CLSTN2: variants seen among roughly 807,000 people sequenced by gnomAD.
CLSTN2 encodes the protein calsyntenin 2.
In CLSTN2, 48 loss-of-function variants were observed where a neutral mutation model predicts 101.2. The observed-to-expected ratio is 0.47, with a 90% CI of 0.38 to 0.60. The LOEUF is 0.60. CLSTN2 is among the 20% of genes least tolerant of loss of function. The pLI is 0.00. For missense variants in CLSTN2, 1,160 were observed against 1,238.2 expected, an observed-to-expected ratio of 0.94 and a Z score of 0.95; for synonymous variants, 481 against 463.6, an observed-to-expected ratio of 1.04 and a Z score of -0.48.
chr3:140,314,599 C>G (rs2087210733), intron 2 of CLSTN2, among the ~76,000 whole-genome samples: 2 of 152,056 alleles, frequency 1.3e-5, no homozygotes, highest in South Asian at 4.1e-4. Flanking sequence ...TTAAATAAGC[C>G]ACTTTTAAAA....
intron 4 of CLSTN2, among the ~76,000 whole-genome samples, chr3:140,415,506 A>AAAAAAAAAT (rs2088421678): frequency 6.6e-6 from 1 of 151,074 alleles, no homozygotes; most frequent in Non-Finnish European, 1.5e-5. Flanking sequence ...AAAAAAAAAA[A>AAAAAAAAAT]AAAACAAACT....
At chr3:139,945,608 A>G (rs1242855573) in intron 1 of CLSTN2, among the ~76,000 whole-genome samples, 1 of 152,228 alleles carries the variant, frequency 6.6e-6, no homozygotes, top group African/African-American at 2.4e-5. Context: ...TACACAAAAA[A>G]TGCAGCAGTT....
intron 1 of CLSTN2, among the ~76,000 whole-genome samples, chr3:140,083,155 A>C (rs1386849457): frequency 1.3e-5 from 2 of 151,934 alleles, no homozygotes; most frequent in Non-Finnish European, 2.9e-5. Flanking sequence ...TATAGCATTT[A>C]TTACGTTTTT....
intron 2 of CLSTN2, among the ~76,000 whole-genome samples, chr3:140,386,792 T>C (rs72981068): frequency 0.026 from 3,936 of 152,268 alleles, 153 homozygotes; most frequent in African/African-American, 0.088. Flanking sequence ...CCAAGGCCTG[T>C]GCACAGTGTC....
At chr3:140,152,696 G>A (rs1032170477) in intron 1 of CLSTN2, among the ~76,000 whole-genome samples, 7 of 152,148 alleles carry the variant, frequency 4.6e-5, no homozygotes, top group Admixed American at 1.3e-4. Context: ...GTGATTTCCA[G>A]TGGGAATAAA....
intron 2 of CLSTN2, among the ~76,000 whole-genome samples, chr3:140,189,848 G>A (rs2010534839): frequency 6.6e-6 from 1 of 152,064 alleles, no homozygotes; most frequent in Non-Finnish European, 1.5e-5. Flanking sequence ...TCAAAAATCA[G>A]CAGGGCATCG....
intron 1 of CLSTN2, among the ~76,000 whole-genome samples, chr3:140,057,456 T>C (rs1390980451): frequency 6.6e-6 from 1 of 152,194 alleles, no homozygotes; most frequent in African/African-American, 2.4e-5. Flanking sequence ...ACGTTCTTCA[T>C]TCTTAGATCC....
intron 2 of CLSTN2, among the ~76,000 whole-genome samples, chr3:140,241,874 T>TACACACACACACAC (rs1402235729): frequency 5.7e-4 from 34 of 60,032 alleles, no homozygotes; most frequent in African/African-American, 1.6e-3. Flanking sequence ...TATACACATA[T>TACACACACACACAC]ATATATACAC....
rs531735969 is a variant in CLSTN2, at chr3:140,336,056, T to C, written c.233-67573T>C. ...GGGGCTTTGGAATCACTTGAAAAAC[T>C]AGGATGAAGGAGCCGATTACTGCTC... is the stretch of plus-strand genomic sequence containing the variant. On this transcript the variant is annotated intron_variant, in intron 2 of 16. Coordinates refer to ENST00000458420, the MANE Select transcript of CLSTN2 (RefSeq NM_022131.3). Among the ~76,000 whole-genome samples, 11 of 152,272 alleles carry C rather than the reference T, an allele frequency of 7.2e-5. No homozygotes were observed. In the South Asian group the frequency reaches 2.3e-3, roughly 32 times the overall value.
chr3:140,196,223 T>C (rs912004573), intron 2 of CLSTN2, among the ~76,000 whole-genome samples: 3 of 152,214 alleles, frequency 2.0e-5, no homozygotes, highest in African/African-American at 7.2e-5. Context: ...GGCATCCTTG[T>C]CCTGGCAGCT....
At chr3:140,507,299 C>T (rs1934704212) in intron 8 of CLSTN2, 1 of 152,158 alleles carries the variant, frequency 6.6e-6, no homozygotes, top group African/African-American at 2.4e-5. Flanking sequence ...CTGTTTGAGG[C>T]ACAGACAGGA....
intron 1 of CLSTN2, among the ~76,000 whole-genome samples, chr3:140,108,317 C>T (rs1278212960): frequency 6.6e-6 from 1 of 152,174 alleles, no homozygotes; most frequent in Non-Finnish European, 1.5e-5. Context: ...AATACTATAT[C>T]ACATGCAATT....
chr3:140,079,407 TACTC>T (rs1431501199), intron 1 of CLSTN2, among the ~76,000 whole-genome samples: 8 of 152,100 alleles, frequency 5.3e-5, no homozygotes, highest in African/African-American at 1.9e-4. Context: ...TCTCTAGAAA[TACTC>T]AAGCAAATGT....
At chr3:140,456,199 C>A (rs906388936) in intron 6 of CLSTN2, among the ~76,000 whole-genome samples, 1 of 152,154 alleles carries the variant, frequency 6.6e-6, no homozygotes, top group Non-Finnish European at 1.5e-5. Context: ...GCCTCAGTTT[C>A]TATGTTTGCA....
At chr3:140,251,826 C>A (rs2086567427) in intron 2 of CLSTN2, among the ~76,000 whole-genome samples, 1 of 151,982 alleles carries the variant, frequency 6.6e-6, no homozygotes, top group East Asian at 1.9e-4. Context: ...GCGTTGAGTA[C>A]TCTGAGGAAG....
intron 1 of CLSTN2, among the ~76,000 whole-genome samples, chr3:140,013,822 C>A (rs1305746324): frequency 6.6e-6 from 1 of 152,130 alleles, no homozygotes; most frequent in Non-Finnish European, 1.5e-5. Flanking sequence ...GAGGTGGGGG[C>A]AGCCTCCACC....
intron 1 of CLSTN2, among the ~76,000 whole-genome samples, chr3:140,048,024 A>G (rs1234959417): frequency 1.3e-5 from 2 of 152,218 alleles, no homozygotes; most frequent in Admixed American, 6.5e-5. Flanking sequence ...AAGTTAAAAT[A>G]TGAAATATTA....
chr3:140,427,197 A>ATGTGTG (rs1189019971), intron 5 of CLSTN2, among the ~76,000 whole-genome samples: 9 of 92,944 alleles, frequency 9.7e-5, no homozygotes, highest in African/African-American at 5.2e-4. Flanking sequence ...ATATATATAT[A>ATGTGTG]TATATATGTG....
At chr3:140,406,992 C>A (rs1385360808) in intron 4 of CLSTN2, among the ~76,000 whole-genome samples, 2 of 152,200 alleles carry the variant, frequency 1.3e-5, no homozygotes, top group East Asian at 3.8e-4. Context: ...AGTAATGGGC[C>A]TTTGCCAGGC....
Sources: allele counts gnomAD v4.1 joint callset (sites outside exome capture counted in the v4.1 genomes callset), GRCh38; gene constraint gnomAD v4.1.1; transcripts MANE v1.5; gene names NCBI Gene and HGNC (gene_info 2026-07-23, HGNC 2026-07-21).